VAV2: variants seen among roughly 807,000 people sequenced by gnomAD.
VAV2 encodes the protein guanine nucleotide exchange factor VAV2.
Under a neutral mutation model 132.5 loss-of-function variants are expected in VAV2, and 67 were observed. The ratio of observed to expected loss-of-function variants is 0.51; its 90% confidence interval spans 0.42 to 0.62. VAV2 has a LOEUF of 0.62. Among genes scored for constraint, VAV2 ranks in the 20% least tolerant of loss-of-function variants. The pLI, the probability that VAV2 is intolerant of heterozygous loss-of-function variation, is 0.00. For missense variants in VAV2, 938 were observed against 1,153.6 expected (o/e 0.81, Z 2.71); for synonymous variants, 492 against 443.5 (o/e 1.11, Z -1.37).
Position 133,788,241 on chromosome 9 carries a change from G to GCCC in VAV2, c.1407+112_1407+113insGGG. The GCCC allele has an allele frequency of 1.8e-6, 1 of 540,996 alleles. No homozygotes were observed. The highest frequency in any genetic ancestry group is 2.0e-5 in the African/African-American group (1 of 51,042). 33.5% of individuals were successfully genotyped at this position (540,996 alleles called of 1,614,324 possible). On this transcript the variant is annotated intron_variant, in intron 15 of 29. Transcript: ENST00000371850. The surrounding 1 kb of genome is among the most constrained non-coding windows in gnomAD (Gnocchi z 5.3). Reference sequence around the variant, plus strand: ...GGAGACGCCCACCCCAACCCACCCGGCCAGCATCAGCGGCTGACTTCGAGT... The same window carrying GCCC: ...GGAGACGCCCACCCCAACCCACCCGGCCCCCAGCATCAGCGGCTGACTTCGAGT...
chr9:133,905,099 C>G (rs972702099), intron 2 of VAV2, among the ~76,000 whole-genome samples: 5 of 152,292 alleles, frequency 3.3e-5, no homozygotes, highest in East Asian at 3.9e-4. Flanking sequence ...AAGTCACTCA[C>G]CAAGCCCTGG....
At chr9:133,887,459 G>A (rs764813555) in intron 2 of VAV2, among the ~76,000 whole-genome samples, 6 of 152,080 alleles carry the variant, frequency 3.9e-5, no homozygotes, top group Non-Finnish European at 8.8e-5. Context: ...AACAGCAATG[G>A]CAGCCCCAGG....
At chr9:133,991,000 G>C (rs938521618) in intron 1 of VAV2, among the ~76,000 whole-genome samples, 3 of 152,184 alleles carry the variant, frequency 2.0e-5, no homozygotes, top group African/African-American at 7.2e-5. Flanking sequence ...AAGGGCAGAG[G>C]CCTCGCTGCC....
intron 25 of VAV2, 81 bp from the exon 26 acceptor site, chr9:133,772,127 G>A: frequency 1.7e-6 from 1 of 598,980 alleles, no homozygotes; most frequent in South Asian, 2.7e-5. Flanking sequence ...CTCATTCTGT[G>A]TTTGCTGCAG....
At position 133,840,077 on chromosome 9, in the gene VAV2, C is replaced by T. The variant is rs574739509; in HGVS notation, c.381-5737G>A. On this transcript the variant is annotated intron_variant, in intron 3 of 29. Transcript: ENST00000371850. This position sits in a 1 kb window ranked among gnomAD's most constrained non-coding sequence, Gnocchi z 4.5. ...CCCCTACCCACACCTTGCCCTGTGG[C>T]GTTGCCTTGCTCGTTAAGAGCAGGG... Among the ~76,000 whole-genome samples, 15 of 152,318 alleles carry T rather than the reference C, an allele frequency of 9.8e-5. No homozygotes were observed. Among genetic ancestry groups the T allele is most frequent in the Middle Eastern group, 3.4e-3 (1 of 294 alleles).
chr9:133,847,846 C>G (rs549457617), intron 3 of VAV2, among the ~76,000 whole-genome samples: 13 of 152,068 alleles, frequency 8.5e-5, no homozygotes, highest in Admixed American at 8.5e-4. Context: ...GGTGGGTGGA[C>G]GGGGCAGCTC....
In VAV2 at chr9:133,771,989, G is replaced by A. The variant is rs1454710421; in HGVS notation, c.2193C>T (p.Ile731=). 2 of 1,604,268 alleles carry A rather than the reference G, an allele frequency of 1.2e-6. No homozygotes were observed. The highest frequency in any genetic ancestry group is 1.7e-6 in the Non-Finnish European group (2 of 1,175,110). ...GGCTGTCGAATTTCTTGGCCTCTGTGATGTGGATCCAGTTGTCCTTCTCCA... is the reference window on the plus strand; with the variant it reads ...GGCTGTCGAATTTCTTGGCCTCTGTAATGTGGATCCAGTTGTCCTTCTCCA... The part of the protein sequence containing the change: ...KVVEKDNWIH[I]TEAKKFDSLL... Residue 731 remains isoleucine (I), a synonymous_variant, in exon 26 of 30, where the codon ATC becomes ATT. Transcript: ENST00000371850.
intron 2 of VAV2, among the ~76,000 whole-genome samples, chr9:133,892,465 A>G (rs1032947176): frequency 6.6e-6 from 1 of 151,974 alleles, no homozygotes; most frequent in Non-Finnish European, 1.5e-5. Context: ...CTCTGTCTAT[A>G]AGCACACTGG....
intron 3 of VAV2, among the ~76,000 whole-genome samples, chr9:133,839,929 G>A (rs898896585): frequency 4.6e-5 from 7 of 152,170 alleles, no homozygotes; most frequent in Non-Finnish European, 1.0e-4. Flanking sequence ...AAGCCCAGTG[G>A]GGGTGGGTTG....
rs76407740 is a variant in VAV2, at chr9:133,833,654, C to T, written c.449+618G>A. ...CCTCCTGGAGCGGGCCACGTGATCC[C>T]ACCCTGGTCACAGATTCCCACGGTC... On this transcript the variant is annotated intron_variant, in intron 4 of 29. Coordinates refer to ENST00000371850, the MANE Select transcript of VAV2 (RefSeq NM_001134398.2). The surrounding 1 kb of genome is among the most constrained non-coding windows in gnomAD (Gnocchi z 5.6). Among the ~76,000 whole-genome samples the T allele has an allele frequency of 0.031, 4,712 of 152,260 alleles. 241 individuals are homozygous for T. Among genetic ancestry groups the T allele is most frequent in the African/African-American group, 0.11 (4,497 of 41,532 alleles).
At chr9:133,980,641 C>T (rs1842663751) in intron 1 of VAV2, among the ~76,000 whole-genome samples, 1 of 152,192 alleles carries the variant, frequency 6.6e-6, no homozygotes, top group South Asian at 2.1e-4. Context: ...AAACACCATC[C>T]CCTGCAAGGC....
chr9:133,835,631 C>T (rs912470562), intron 3 of VAV2, among the ~76,000 whole-genome samples: 4 of 152,194 alleles, frequency 2.6e-5, no homozygotes, highest in East Asian at 1.9e-4. Flanking sequence ...AGGGGCTGCC[C>T]GGGCCCAGAT....
intron 2 of VAV2, among the ~76,000 whole-genome samples, chr9:133,875,644 A>G (rs865801861): frequency 6.6e-6 from 1 of 152,226 alleles, no homozygotes; most frequent in African/African-American, 2.4e-5. Context: ...AAGCTCAGCT[A>G]CCAACTGCCC....
chr9:133,830,089 C>T (rs895774543), intron 4 of VAV2, among the ~76,000 whole-genome samples: 2 of 152,122 alleles, frequency 1.3e-5, no homozygotes, highest in African/African-American at 4.8e-5. Flanking sequence ...GTCCTAAAAC[C>T]ACATTTGCAG....
At chr9:133,862,329 G>A (rs1837629375) in intron 2 of VAV2, among the ~76,000 whole-genome samples, 1 of 152,238 alleles carries the variant, frequency 6.6e-6, no homozygotes, top group Admixed American at 6.5e-5. Context: ...CAGGGAGCTG[G>A]CTGGCCCAGG....
intron 3 of VAV2, among the ~76,000 whole-genome samples, chr9:133,850,792 G>T (rs1036082349): frequency 3.9e-5 from 6 of 152,194 alleles, no homozygotes; most frequent in Non-Finnish European, 8.8e-5. Flanking sequence ...CAGCCCAGGA[G>T]GAAGCTCACA....
intron 1 of VAV2, among the ~76,000 whole-genome samples, chr9:133,979,912 C>T (rs1802215631): frequency 6.6e-6 from 1 of 152,242 alleles, no homozygotes; most frequent in African/African-American, 2.4e-5. Context: ...TTCTCTCTCT[C>T]ATCTGAAAGT....
At position 133,946,865 on chromosome 9, in the gene VAV2, T is replaced by C. The variant is rs1042321906; in HGVS notation, c.205-7646A>G. Among the ~76,000 whole-genome samples, 10 of 152,324 alleles carry C rather than the reference T, an allele frequency of 6.6e-5. No individual in the cohort carries two copies. In the South Asian group the frequency reaches 1.7e-3, roughly 25 times the overall value. On this transcript the variant is annotated intron_variant, in intron 1 of 29. Transcript: ENST00000371850. The stretch of plus-strand genomic sequence containing the variant: ...CATCAGGTAGATAAACAGGTGACCC[T>C]GGGTGACAGGCTGGCCAGGTGCTCA...
intron 2 of VAV2, among the ~76,000 whole-genome samples, chr9:133,865,562 C>A (rs1159175276): frequency 6.6e-6 from 1 of 151,524 alleles, no homozygotes; most frequent in Admixed American, 6.6e-5. Flanking sequence ...CTATTTAGTT[C>A]TTTTCTCAAA....
Sources: gnomAD v4.1 joint callset for allele counts (sites outside exome capture counted in the v4.1 genomes callset) on GRCh38, gnomAD v4.1.1 for gene constraint, Gnocchi (gnomAD v3.1) non-coding constraint, MANE v1.5 for transcripts, NCBI Gene and HGNC (gene_info 2026-07-23, HGNC 2026-07-21) for gene names.